The following NUP188 variants were observed in gnomAD, a reference collection of about 807,000 sequenced individuals.
The protein encoded by NUP188 is nucleoporin NUP188.
Under a neutral mutation model 223.0 loss-of-function variants are expected in NUP188, and 97 were observed. The observed-to-expected ratio is 0.43, with a 90% CI of 0.37 to 0.51. The LOEUF is 0.51. NUP188 is among the 20% of genes least tolerant of loss of function. The pLI is 0.00. For synonymous variants in NUP188, 869 were observed against 828.0 expected, an observed-to-expected ratio of 1.05 and a Z score of -0.85; for missense variants, 1,947 against 2,175.6, an observed-to-expected ratio of 0.89 and a Z score of 2.09.
chr9:128,963,818 T>G lies in NUP188; in HGVS notation c.585+4684T>G, dbSNP rs374231408. 2.6e-5 allele frequency among the ~76,000 whole-genome samples: 4 copies of G among 151,564 alleles called. No individual in the cohort carries two copies. In the East Asian group the frequency reaches 5.8e-4, roughly 22 times the overall value. Reference sequence around the variant, plus strand: ...ACCATGCCTGTCTTATTGTGGGTTTTTTTTTTTTTTATTTTTGAGACGGAG... The same window carrying G: ...ACCATGCCTGTCTTATTGTGGGTTTGTTTTTTTTTTATTTTTGAGACGGAG... On this transcript the variant is annotated intron_variant, in intron 8 of 43. Transcript: ENST00000372577.
intron 8 of NUP188, among the ~76,000 whole-genome samples, chr9:128,963,975 C>T (rs920255824): frequency 8.6e-5 from 13 of 151,990 alleles, no homozygotes; most frequent in African/African-American, 2.4e-4. Flanking sequence ...CCACCACGTC[C>T]GGCTAATTTT....
At chr9:128,994,723 GACATTCACATTCA>G in intron 28 of NUP188, 120 bp from the exon 29 acceptor site, 1 of 781,800 alleles carries the variant, frequency 1.3e-6, no homozygotes, top group African/African-American at 1.7e-5. Flanking sequence ...TGCAAGTCAG[GACATTCACATTCA>G]ACAGGGGTTG....
chr9:128,975,835 G>T (rs1842168730), intron 12 of NUP188, among the ~76,000 whole-genome samples: 1 of 147,186 alleles, frequency 6.8e-6, no homozygotes, highest in African/African-American at 2.5e-5. Context: ...ATTTTTTATT[G>T]TTTTGAAACG....
chr9:128,983,996 A>G (rs1433256634), intron 19 of NUP188, among the ~76,000 whole-genome samples: 1 of 150,876 alleles, frequency 6.6e-6, no homozygotes, highest in East Asian at 2.0e-4. Flanking sequence ...AATTTTTTGT[A>G]TTTTTAATAG....
intron 15 of NUP188, among the ~76,000 whole-genome samples, 165 bp from the exon 16 acceptor site, chr9:128,982,384 C>T (rs898710956): frequency 1.3e-5 from 2 of 151,756 alleles, no homozygotes; most frequent in Non-Finnish European, 2.9e-5. Flanking sequence ...GAGCCGAGAT[C>T]GCGCCACTGC....
At chr9:128,975,249 G>A (rs1349234169) in intron 12 of NUP188, among the ~76,000 whole-genome samples, 7 of 123,902 alleles carry the variant, frequency 5.6e-5, no homozygotes, top group African/African-American at 1.5e-4. Flanking sequence ...TTTTTGAGAC[G>A]GAGTCTTGCC....
intron 8 of NUP188, among the ~76,000 whole-genome samples, chr9:128,961,479 TCTGGC>T (rs1841950452): frequency 6.6e-6 from 1 of 151,816 alleles, no homozygotes; most frequent in Non-Finnish European, 1.5e-5. Context: ...GCCAGTGCAC[TCTGGC>T]CTGTGCAACA....
rs548855730 is a variant in NUP188 at position 129,006,914 on chromosome 9, G to C, written c.*236G>C. ...GTGCTCAGGTCCTCACGCTGCAGACGCCCCCTAGAGGAACTTTCCTTCCTT... is the reference window on the plus strand; with the variant it reads ...GTGCTCAGGTCCTCACGCTGCAGACCCCCCCTAGAGGAACTTTCCTTCCTT... On this transcript the variant is annotated 3_prime_UTR_variant, in exon 44 of 44. Coordinates refer to ENST00000372577, the MANE Select transcript of NUP188 (RefSeq NM_015354.3). The C allele has an allele frequency of 7.2e-6, 3 of 415,418 alleles. No individual in the cohort carries two copies. The highest frequency in any genetic ancestry group is 1.3e-5 in the Non-Finnish European group (3 of 234,824). 25.7% of individuals were successfully genotyped at this position (415,418 alleles called of 1,614,324 possible).
At chr9:128,995,844 C>G (rs1842515841) in intron 30 of NUP188, among the ~76,000 whole-genome samples, 1 of 152,200 alleles carries the variant, frequency 6.6e-6, no homozygotes, top group South Asian at 2.1e-4. Context: ...TCTTCTCGTG[C>G]TGTGTACCTT....
intron 38 of NUP188, 157 bp downstream of exon 38, chr9:129,003,611 G>A (rs1842718290): frequency 1.1e-6 from 1 of 874,178 alleles, no homozygotes; most frequent in Admixed American, 1.9e-5. Context: ...TGCTTACTCT[G>A]GCTAAATGTT....
rs1356135847 is a variant in NUP188 at position 128,993,384 on chromosome 9, A to G, written c.2828A>G (p.Asp943Gly). Residue 943 changes from aspartate (D) to glycine (G), a missense_variant, in exon 26 of 44, where the codon GAT becomes GGT. This residue lies in a region of NUP188 where 225 missense variants were observed against 319.1 expected (regional missense o/e 0.71). Coordinates refer to ENST00000372577, the MANE Select transcript of NUP188 (RefSeq NM_015354.3). ...CTGTTTCTGAACCTGGAAGTTAAGG[A>G]TGGCAGTGATGGCTCAAAGGTAAGC... ...IELFLNLEVK[D>G]GSDGSKEFSL... 2 of 1,614,070 alleles carry G rather than the reference A, an allele frequency of 1.2e-6. No individual in the cohort carries two copies. Among genetic ancestry groups the G allele is most frequent in the African/African-American group, 2.7e-5 (2 of 74,924 alleles).
At chr9:128,949,149 T>G (rs1841739060) in intron 1 of NUP188, 40 bp from the exon 2 acceptor site, 2 of 1,526,246 alleles carry the variant, frequency 1.3e-6, no homozygotes, top group Non-Finnish European at 1.8e-6. Flanking sequence ...GTTTGTATGA[T>G]CAGAAAGAGC....
chr9:128,982,567 G>A lies in NUP188; in HGVS notation c.1535G>A (p.Arg512His). ...LYPLGGQTNL[R>H]IPQGTVGQVM... ...CTCTCAGGGGGTCAAACCAACCTTC[G>A]CATACCTCAAGGCACTGTGGGCCAA... The change falls in exon 16 of 44, where the codon CGC becomes CAC. Residue 512 changes from arginine to histidine, a missense_variant. Arg to His is a conservative substitution (Grantham distance 29). Transcript: ENST00000372577. 1 of 1,612,320 alleles carries A rather than the reference G, an allele frequency of 6.2e-7. No homozygotes were observed. Among genetic ancestry groups the A allele is most frequent in the Non-Finnish European group, 8.5e-7 (1 of 1,179,484 alleles).
In NUP188 at chr9:129,003,364, G is replaced by A. The variant is rs543104933; in HGVS notation, c.4344G>A (p.Glu1448=). 2.2e-5 allele frequency: 35 copies of A among 1,613,290 alleles called. No individual in the cohort carries two copies. In the South Asian group the frequency reaches 3.5e-4, roughly 16 times the overall value. ...TGCAGAGTCTGGCCTGCCTGGAGGA[G>A]GCGGACCACACCGTGGGTTTTATTC... ...RTVQSLACLE[E]ADHTVGFILQ... is the part of the protein sequence containing the mutation. Residue 1448 remains glutamate, a synonymous_variant, in exon 38 of 44, where the codon GAG becomes GAA. Transcript: ENST00000372577.
chr9:128,965,222 C>T (rs1842011717), intron 8 of NUP188, among the ~76,000 whole-genome samples: 1 of 151,998 alleles, frequency 6.6e-6, no homozygotes, highest in Non-Finnish European at 1.5e-5. Context: ...GTTTTAAATA[C>T]TGAATTGTTT....
At chr9:128,965,442 A>C (rs953978108) in intron 8 of NUP188, among the ~76,000 whole-genome samples, 1 of 151,788 alleles carries the variant, frequency 6.6e-6, no homozygotes, top group Non-Finnish European at 1.5e-5. Flanking sequence ...TTTGTCTTCA[A>C]TTTTCTTTAT....
intron 12 of NUP188, among the ~76,000 whole-genome samples, chr9:128,975,090 A>T (rs1273052716): frequency 6.6e-6 from 1 of 151,632 alleles, no homozygotes; most frequent in African/African-American, 2.4e-5. Flanking sequence ...TCAGTCCCAT[A>T]TTTGGCCTGT....
At chr9:128,981,479 C>T (rs2131165612) in intron 15 of NUP188, 89 bp downstream of exon 15, 1 of 1,293,814 alleles carries the variant, frequency 7.7e-7, no homozygotes, top group African/African-American at 1.5e-5. Context: ...GTGGCAAGAT[C>T]ATAGCTCACT....
chr9:128,986,684 G>A lies in NUP188; in HGVS notation c.2197+6G>A, dbSNP rs376531499. On this transcript the variant is annotated splice_donor_region_variant and intron_variant, in intron 21 of 43. Coordinates refer to ENST00000372577, the MANE Select transcript of NUP188 (RefSeq NM_015354.3). ...TGGAGTGAGGGAACAGATTGGTAAG[G>A]ACAGCATGGGCAGGGAAGACCTGGG... 8.7e-6 allele frequency: 14 copies of A among 1,614,010 alleles called. No homozygotes were observed. Among genetic ancestry groups the A allele is most frequent in the Non-Finnish European group, 6.8e-6 (8 of 1,180,024 alleles).
Sources: allele counts gnomAD v4.1 joint callset (sites outside exome capture counted in the v4.1 genomes callset), GRCh38; gene constraint gnomAD v4.1.1; regional missense constraint gnomAD v4.1.1; transcripts MANE v1.5; gene names NCBI Gene and HGNC (gene_info 2026-07-23, HGNC 2026-07-21).